Variants in TEX10 observed in about 807,000 individuals in gnomAD.
TEX10 encodes testis-expressed protein 10.
A neutral mutation model predicts 104.4 loss-of-function variants in TEX10; 24 were observed. That is an observed-to-expected ratio of 0.23 (90% CI 0.17 to 0.32). TEX10 has a LOEUF of 0.32. TEX10 is among the 10% of genes least tolerant of loss of function. TEX10 has a pLI of 1.00. For missense variants in TEX10, 921 were observed against 1,083.9 expected (o/e 0.85, Z 2.11); for synonymous variants, 396 against 393.4 (o/e 1.01, Z -0.08).
intron 9 of TEX10, among the ~76,000 whole-genome samples, chr9:100,324,744 TTC>T (rs1464363222): frequency 2.4e-4 from 37 of 152,266 alleles, no homozygotes; most frequent in African/African-American, 8.7e-4. Flanking sequence ...TCAAGAAACA[TTC>T]AAGGGGTGAT....
chr9:100,323,114 A>G lies in TEX10; in HGVS notation c.1980-1343T>C, dbSNP rs925681244. ...TATTATCTTCTTGACCTCAATGAAA[A>G]CAGGAAGCAATTGTGCCATCCAGTG... On this transcript the variant is annotated intron_variant, in intron 9 of 14. Coordinates refer to ENST00000374902, the MANE Select transcript of TEX10 (RefSeq NM_017746.4). 2.0e-5 allele frequency among the ~76,000 whole-genome samples: 3 copies of G among 152,306 alleles called. No homozygotes were observed. The East Asian group carries it at 5.8e-4, about 29-fold the overall frequency.
At chr9:100,344,346 G>A (rs1835248528) in intron 4 of TEX10, among the ~76,000 whole-genome samples, 1 of 152,036 alleles carries the variant, frequency 6.6e-6, no homozygotes, top group Admixed American at 6.6e-5. Context: ...TAAAACTAAA[G>A]CAGTATTTAG....
chr9:100,327,307 T>C (rs1834731262), intron 8 of TEX10, among the ~76,000 whole-genome samples: 1 of 152,066 alleles, frequency 6.6e-6, no homozygotes, highest in Non-Finnish European at 1.5e-5. Flanking sequence ...AACTGTACAT[T>C]GTAAAATGGT....
chr9:100,338,129 C>A (rs1183509035), intron 5 of TEX10, among the ~76,000 whole-genome samples: 2 of 152,142 alleles, frequency 1.3e-5, no homozygotes, highest in Non-Finnish European at 2.9e-5. Flanking sequence ...AGGGGTGGTA[C>A]AAAGGGCCTA....
Position 100,327,840 on chromosome 9 carries a change from C to A in TEX10, c.1748G>T (p.Arg583Leu). 2.5e-6 allele frequency: 4 copies of A among 1,597,864 alleles called. No homozygotes were observed. Among genetic ancestry groups the A allele is most frequent in the Non-Finnish European group, 3.4e-6 (4 of 1,169,136 alleles). The part of the protein sequence containing the change: ...LIDIIHTAAA[R>L]ANKELLKSLQ... ...ACTTTTTAGTAATTCTTTATTTGCTCGTGCTGCAGCGGTATGAATGATATC... is the reference window on the plus strand; with the variant it reads ...ACTTTTTAGTAATTCTTTATTTGCTAGTGCTGCAGCGGTATGAATGATATC... The change falls in exon 8 of 15, where the codon CGA (arginine) becomes CTA (leucine). Residue 583 changes from arginine to leucine, a missense_variant. This residue lies in a region of TEX10 where 753 missense variants were observed against 868.4 expected (regional missense o/e 0.87). Transcript: ENST00000374902.
chr9:100,315,830 TTCTC>T (rs992654191), intron 11 of TEX10, among the ~76,000 whole-genome samples: 39 of 152,358 alleles, frequency 2.6e-4, no homozygotes, highest in African/African-American at 9.1e-4. Flanking sequence ...GATTTTAGAA[TTCTC>T]TCTTTCATTT....
intron 5 of TEX10, among the ~76,000 whole-genome samples, chr9:100,333,592 G>A (rs1175628312): frequency 2.8e-5 from 4 of 144,604 alleles, no homozygotes; most frequent in African/African-American, 1.0e-4. Flanking sequence ...GATCCCTTGA[G>A]CCCAGTTCAA....
chr9:100,335,734 C>CT (rs990826760), intron 5 of TEX10, among the ~76,000 whole-genome samples: 1,861 of 144,884 alleles, frequency 0.013, 39 homozygotes, highest in African/African-American at 0.042. Flanking sequence ...AAAGCATGTC[C>CT]TTTTTTTTTT....
intron 14 of TEX10, among the ~76,000 whole-genome samples, chr9:100,303,367 CTA>C (rs1269877568): frequency 2.6e-5 from 4 of 151,980 alleles, no homozygotes; most frequent in Non-Finnish European, 1.5e-5. Context: ...TCAAACTAAA[CTA>C]AGCTTTGTCA....
intron 11 of TEX10, among the ~76,000 whole-genome samples, chr9:100,311,032 C>T (rs1834267221): frequency 6.6e-6 from 1 of 152,160 alleles, no homozygotes; most frequent in African/African-American, 2.4e-5. Context: ...TCAGCAGGTT[C>T]TCGGAAACTA....
At chr9:100,322,800 G>C (rs998186331) in intron 9 of TEX10, among the ~76,000 whole-genome samples, 3 of 152,076 alleles carry the variant, frequency 2.0e-5, no homozygotes, top group African/African-American at 2.4e-5. Flanking sequence ...ATTTTTAGTA[G>C]AGATGGGGTT....
chr9:100,303,788 G>A lies in TEX10; in HGVS notation c.2520C>T (p.Leu840=). 2.5e-6 allele frequency: 4 copies of A among 1,614,078 alleles called. No individual in the cohort carries two copies. Among genetic ancestry groups the A allele is most frequent in the Non-Finnish European group, 3.4e-6 (4 of 1,180,016 alleles). The part of the protein sequence containing the change: ...VSILALLPRV[L]RLMLQSLRVN... ...CCCGCAGGCTCTGCAGCATCAACCT[G>A]AGGACTCGAGGCAAGAGAGCCAGGA... The change falls in exon 14 of 15, where the codon CTC becomes CTT. Residue 840 remains leucine, a synonymous_variant. Transcript: ENST00000374902.
intron 7 of TEX10, among the ~76,000 whole-genome samples, chr9:100,328,385 C>G (rs1415279084): frequency 6.6e-6 from 1 of 152,190 alleles, no homozygotes; most frequent in Non-Finnish European, 1.5e-5. Context: ...ACTAGGTCCC[C>G]TGAAAGGCTG....
intron 9 of TEX10, among the ~76,000 whole-genome samples, chr9:100,323,595 T>C (rs1834628821): frequency 6.6e-6 from 1 of 152,192 alleles, no homozygotes; most frequent in Non-Finnish European, 1.5e-5. Context: ...AAAAAAACTA[T>C]AACTGGTTGG....
intron 11 of TEX10, among the ~76,000 whole-genome samples, chr9:100,314,828 T>C (rs1834375425): frequency 1.3e-5 from 2 of 152,208 alleles, no homozygotes; most frequent in African/African-American, 4.8e-5. Flanking sequence ...GTTATCTTTC[T>C]CCTTTTTTGA....
chr9:100,345,981 A>G lies in TEX10; in HGVS notation c.1137+91T>C. On this transcript the variant is annotated intron_variant, in intron 4 of 14. Transcript: ENST00000374902. ...AGGGTACTTTTCAGAAAAATATATAACCAATTAGTAGTAATGAGCTGATTT... is the reference window on the plus strand; with the variant it reads ...AGGGTACTTTTCAGAAAAATATATAGCCAATTAGTAGTAATGAGCTGATTT... 3.6e-6 allele frequency: 5 copies of G among 1,401,710 alleles called. No individual in the cohort carries two copies. The South Asian group carries it at 7.9e-5, about 22-fold the overall frequency. The allele number at this position is 1,401,710 out of a possible 1,614,324, so 86.8% of individuals were successfully genotyped here.
At chr9:100,337,868 T>C (rs1364326813) in intron 5 of TEX10, among the ~76,000 whole-genome samples, 1 of 144,222 alleles carries the variant, frequency 6.9e-6, no homozygotes, top group Non-Finnish European at 1.5e-5. Context: ...TTTAGCTTTG[T>C]CTGTTTATCC....
At chr9:100,304,561 T>C (rs1212244665) in intron 13 of TEX10, 1 of 152,216 alleles carries the variant, frequency 6.6e-6, no homozygotes, top group African/African-American at 2.4e-5. Context: ...TCTTTCATCA[T>C]ATACAAAAAA....
chr9:100,305,140 T>C (rs759243314), intron 13 of TEX10: 4 of 152,186 alleles, frequency 2.6e-5, no homozygotes, highest in South Asian at 2.1e-4. Flanking sequence ...TGGTGCAATA[T>C]TCACATAGAC....
Sources: allele counts gnomAD v4.1 joint callset (sites outside exome capture counted in the v4.1 genomes callset), GRCh38; gene constraint gnomAD v4.1.1; regional missense constraint gnomAD v4.1.1; transcripts MANE v1.5; gene names NCBI Gene and HGNC (gene_info 2026-07-23, HGNC 2026-07-21).